AGO2: variants seen among roughly 807,000 people sequenced by gnomAD.
The protein encoded by AGO2 is protein argonaute-2.
AGO2 carries 5 observed loss-of-function variants against 102.3 expected under a neutral mutation model. That is an observed-to-expected ratio of 0.05 (90% CI 0.03 to 0.10). The LOEUF is 0.10. Ranked by LOEUF, AGO2 falls within the 10% of genes least tolerant of loss-of-function variation. The probability of loss-of-function intolerance (pLI) is 1.00; values close to 1 mark genes in which losing one functional copy is unlikely to be tolerated. For missense variants in AGO2, 541 were observed against 1,183.7 expected (o/e 0.46, Z 7.97); for synonymous variants, 449 against 473.1 (o/e 0.95, Z 0.66).
rs1206170799 is a variant in AGO2 at position 140,553,408 on chromosome 8, TTTG to T, written c.1270-1975_1270-1973del. Among the ~76,000 whole-genome samples, 64 of 105,288 alleles carry T rather than the reference TTTG, an allele frequency of 6.1e-4. 1 individual carries two copies. Among genetic ancestry groups the T allele is most frequent in the African/African-American group, 2.2e-3 (43 of 19,330 alleles). The allele number at this position is 105,288 out of a possible 152,430, so 69.1% of individuals were successfully genotyped here. The stretch of plus-strand genomic sequence containing the variant: ...CAAACAAGTTACAAGTTTTTTGTTT[TTTG>T]TTTTTTTTTTTTTTTGAGACGGAGT... On this transcript the variant is annotated intron_variant, in intron 10 of 18. Coordinates refer to ENST00000220592, the MANE Select transcript of AGO2 (RefSeq NM_012154.5).
intron 1 of AGO2, among the ~76,000 whole-genome samples, chr8:140,632,832 C>T (rs6987810): frequency 0.72 from 109,125 of 152,132 alleles, 39,553 homozygotes; most frequent in African/African-American, 0.79. Flanking sequence ...TTGTGAACTG[C>T]TTTTTAAATT....
chr8:140,572,945 C>A lies in AGO2; in HGVS notation c.216-13G>T. 4 of 1,590,820 alleles carry A rather than the reference C, an allele frequency of 2.5e-6. No homozygotes were observed. Among genetic ancestry groups the A allele is most frequent in the Non-Finnish European group, 3.4e-6 (4 of 1,168,118 alleles). ...TTCCACGATTTCCCTGAAACAAAGA[C>A]AAAAGTCGGGCAAAATGTCAATAAA... On this transcript the variant is annotated splice_polypyrimidine_tract_variant and intron_variant, in intron 2 of 18. Coordinates refer to ENST00000220592, the MANE Select transcript of AGO2 (RefSeq NM_012154.5).
chr8:140,585,462 C>T (rs777939254), intron 1 of AGO2, 151 bp from the exon 2 acceptor site: 14 of 794,150 alleles, frequency 1.8e-5, no homozygotes, highest in African/African-American at 7.0e-5. Flanking sequence ...GGCGTCTCAA[C>T]GTCAAGCCAA....
chr8:140,609,896 G>A (rs1039036599), intron 1 of AGO2, among the ~76,000 whole-genome samples: 3 of 151,210 alleles, frequency 2.0e-5, no homozygotes, highest in Admixed American at 1.3e-4. Flanking sequence ...ATCCCGGCAC[G>A]GAAAAAGACT....
intron 3 of AGO2, among the ~76,000 whole-genome samples, chr8:140,569,498 C>T (rs919889238): frequency 6.6e-6 from 1 of 152,204 alleles, no homozygotes. Context: ...CCATATGTTC[C>T]TAAACAGTGC....
Position 140,539,213 on chromosome 8 carries a change from G to C in AGO2, c.2169+107C>G. 6.8e-7 allele frequency: 1 copy of C among 1,467,528 alleles called. No individual in the cohort carries two copies. The highest frequency in any genetic ancestry group is 9.1e-7 in the Non-Finnish European group (1 of 1,097,184). 90.9% of individuals were successfully genotyped at this position (1,467,528 alleles called of 1,614,324 possible). ...CCTTAGAGGACAGAGTCACCCTAGAGCCTGGGACAGCGGCACTGTGGCCAG... is the reference window on the plus strand; with the variant it reads ...CCTTAGAGGACAGAGTCACCCTAGACCCTGGGACAGCGGCACTGTGGCCAG... On this transcript the variant is annotated intron_variant, in intron 16 of 18. Transcript: ENST00000220592. The surrounding 1 kb of genome is among the most constrained non-coding windows in gnomAD (Gnocchi z 4.7).
rs750791163 is a variant in AGO2 at position 140,557,257 on chromosome 8, T to A, written c.879-21A>T. On this transcript the variant is annotated intron_variant, in intron 7 of 18. Transcript: ENST00000220592. This position sits in a 1 kb window ranked among gnomAD's most constrained non-coding sequence, Gnocchi z 5.9. ...GGAATCTGAGGAGCAAAGGGGCTGT[T>A]CAGGCCGAGGGCATCCCGGAGCCCC... 1 of 1,605,066 alleles carries A rather than the reference T, an allele frequency of 6.2e-7. No individual in the cohort carries two copies. The highest frequency in any genetic ancestry group is 1.1e-5 in the South Asian group (1 of 90,032).
At position 140,602,583 on chromosome 8, in the gene AGO2, C is replaced by CT. The variant is rs139476187; in HGVS notation, c.23-17273dup. The stretch of plus-strand genomic sequence containing the variant: ...TCTCCCTGTAAGCTTCAGCAGGCTT[C>CT]TGCAGCCCATCCCTGTGGCTCAGGC... On this transcript the variant is annotated intron_variant, in intron 1 of 18. Coordinates refer to ENST00000220592, the MANE Select transcript of AGO2 (RefSeq NM_012154.5). Among the ~76,000 whole-genome samples the CT allele has an allele frequency of 7.1e-3, 1,084 of 152,352 alleles. 54 individuals carry two copies. Among genetic ancestry groups the CT allele is most frequent in the Admixed American group, 0.049 (743 of 15,306 alleles).
rs758265277 is a variant in AGO2, at chr8:140,539,685, G to C, written c.2035-231C>G. 1.3e-5 allele frequency among the ~76,000 whole-genome samples: 2 copies of C among 152,198 alleles called. No individual in the cohort carries two copies. Among genetic ancestry groups the C allele is most frequent in the Non-Finnish European group, 2.9e-5 (2 of 68,024 alleles). On this transcript the variant is annotated intron_variant, in intron 15 of 18. Transcript: ENST00000220592. The surrounding 1 kb of genome is among the most constrained non-coding windows in gnomAD (Gnocchi z 4.7). ...AGGAATGGGAAGAACACTTCCCCTG[G>C]AGGGCCCAGGAGGTTGTGTGTGTGC...
upstream of AGO2, chr8:140,638,377 C>A (rs535503946): frequency 6.6e-6 from 1 of 152,210 alleles, no homozygotes; most frequent in African/African-American, 2.4e-5. Context: ...TGTCTGCAGG[C>A]CTTCTCAGAG....
chr8:140,559,058 T>C (rs2073152070), intron 6 of AGO2, among the ~76,000 whole-genome samples: 1 of 152,096 alleles, frequency 6.6e-6, no homozygotes, highest in Non-Finnish European at 1.5e-5. Flanking sequence ...GTGTAAGGAT[T>C]AAATGAAGAC....
At chr8:140,555,858 GCCCCGCAGCCACACGTT>G (rs747307232) in intron 10 of AGO2, 21 bp downstream of exon 10, 1 of 1,598,578 alleles carries the variant, frequency 6.3e-7, no homozygotes, top group African/African-American at 1.3e-5. Context: ...GCAGAGACAT[GCCCCGCAGCCACACGTT>G]CCCCGCCGCC....
At chr8:140,631,768 G>A (rs942143387) in intron 1 of AGO2, among the ~76,000 whole-genome samples, 16 of 152,108 alleles carry the variant, frequency 1.1e-4, no homozygotes, top group South Asian at 4.1e-4. Context: ...TGTTCAAAAC[G>A]TCTCCATTGC....
At position 140,555,995 on chromosome 8, in the gene AGO2, T is replaced by C. The variant is rs962626381; in HGVS notation, c.1170A>G (p.Thr390=). The stretch of plus-strand genomic sequence containing the variant: ...TTCCAAATTCACGGACGTATGGATC[T>C]GTGTTGAAACTTGCACTTCGCATCT... ...SKLMRSASFN[T]DPYVREFGIM... is the part of the protein sequence containing the mutation. The change falls in exon 10 of 19, where the codon ACA becomes ACG. Residue 390 remains threonine (T), a synonymous_variant. Coordinates refer to ENST00000220592, the MANE Select transcript of AGO2 (RefSeq NM_012154.5). 2 of 1,614,110 alleles carry C rather than the reference T, an allele frequency of 1.2e-6. No individual in the cohort carries two copies. Among genetic ancestry groups the C allele is most frequent in the African/African-American group, 2.7e-5 (2 of 74,944 alleles).
intron 6 of AGO2, among the ~76,000 whole-genome samples, 166 bp from the exon 7 acceptor site, chr8:140,558,738 C>T (rs2073143974): frequency 2.0e-5 from 3 of 152,220 alleles, no homozygotes; most frequent in Admixed American, 2.0e-4. Flanking sequence ...CAGGCCACCC[C>T]AGCCGGGTCC....
At chr8:140,561,194 T>C (rs2073195836) in intron 4 of AGO2, among the ~76,000 whole-genome samples, 2 of 152,234 alleles carry the variant, frequency 1.3e-5, no homozygotes, top group South Asian at 4.1e-4. Flanking sequence ...CCTCACCTGC[T>C]GCACGGGCAC....
rs2072759346 is a variant in AGO2 at position 140,539,603 on chromosome 8, C to A, written c.2035-149G>T. 7.9e-6 allele frequency: 7 copies of A among 890,962 alleles called. No homozygotes were observed. In the South Asian group the frequency reaches 1.2e-4, roughly 16 times the overall value. The allele number at this position is 890,962 out of a possible 1,614,324, so 55.2% of individuals were successfully genotyped here. A position where few individuals can be genotyped will look rare whatever the true frequency, so the allele number is the denominator to read the frequency against. ...TCACGGGGAGGTGAAAACACGGGGG[C>A]AGAAACCATCCTCTCTGCAGGGAGG... is the stretch of plus-strand genomic sequence containing the variant. On this transcript the variant is annotated intron_variant, in intron 15 of 18. Coordinates refer to ENST00000220592, the MANE Select transcript of AGO2 (RefSeq NM_012154.5). The surrounding 1 kb of genome is among the most constrained non-coding windows in gnomAD (Gnocchi z 4.7).
chr8:140,573,523 T>C (rs954657430), intron 2 of AGO2, among the ~76,000 whole-genome samples: 4 of 152,180 alleles, frequency 2.6e-5, no homozygotes, highest in Admixed American at 6.5e-5. Context: ...TGTGGCTCCT[T>C]TGGGCAACAT....
chr8:140,633,714 G>T (rs2074368958), intron 1 of AGO2, among the ~76,000 whole-genome samples: 1 of 152,190 alleles, frequency 6.6e-6, no homozygotes, highest in African/African-American at 2.4e-5. Flanking sequence ...GAAAGGGACT[G>T]CCCTGAGGAA....
Sources: gnomAD v4.1 joint callset for allele counts (sites outside exome capture counted in the v4.1 genomes callset) on GRCh38, gnomAD v4.1.1 for gene constraint, Gnocchi (gnomAD v3.1) non-coding constraint, MANE v1.5 for transcripts, NCBI Gene and HGNC (gene_info 2026-07-23, HGNC 2026-07-21) for gene names.